The following TAS2R1 variants were observed in gnomAD, a reference collection of about 807,000 sequenced individuals.
The protein encoded by TAS2R1 is taste receptor type 2 member 1.
For missense variants in TAS2R1, 370 were observed against 353.4 expected (o/e 1.05, Z -0.38); for synonymous variants, 141 against 134.2 (o/e 1.05, Z -0.35).
At chr5:9,670,786 T>C (rs1199898455) in intron 1 of TAS2R1, among the ~76,000 whole-genome samples, 4 of 152,144 alleles carry the variant, frequency 2.6e-5, no homozygotes, top group Admixed American at 1.3e-4. Flanking sequence ...CCCTAACTCA[T>C]TGTATGAAGC....
intron 2 of TAS2R1, chr5:9,641,641 C>T (rs1352745813): frequency 4.6e-5 from 7 of 152,250 alleles, no homozygotes; most frequent in Non-Finnish European, 7.3e-5. Flanking sequence ...GACATGTTCT[C>T]CAGCCTTCCT....
intron 1 of TAS2R1, among the ~76,000 whole-genome samples, chr5:9,671,112 C>A (rs545842799): frequency 1.3e-5 from 2 of 152,266 alleles, no homozygotes; most frequent in African/African-American, 4.8e-5. Flanking sequence ...TAAAATCTCT[C>A]AACAAAGTAG....
the TAS2R1 span, among the ~76,000 whole-genome samples, chr5:9,856,374 T>C: frequency 2.6e-5 from 4 of 152,086 alleles, no homozygotes; most frequent in African/African-American, 9.7e-5. Flanking sequence ...GCTCTCCTTA[T>C]ATTAAGCAAG....
the TAS2R1 span, among the ~76,000 whole-genome samples, chr5:9,757,047 G>A: frequency 9.8e-5 from 15 of 152,290 alleles, no homozygotes; most frequent in East Asian, 2.7e-3. Flanking sequence ...TCCCCAGACA[G>A]ATTTCAGAGA....
At chr5:9,730,406 G>A in the TAS2R1 span, among the ~76,000 whole-genome samples, 4 of 152,148 alleles carry the variant, frequency 2.6e-5, no homozygotes, top group Admixed American at 6.5e-5. Context: ...CAACCTTTTG[G>A]AAATAGATAG....
chr5:9,847,136 C>T, the TAS2R1 span, among the ~76,000 whole-genome samples: 1 of 152,214 alleles, frequency 6.6e-6, no homozygotes, highest in Admixed American at 6.5e-5. Flanking sequence ...CAAAACCTTA[C>T]ACGCTGAAAT....
chr5:9,861,037 G>GGTTTTTTTTTTTTTTTTTTTT, the TAS2R1 span, among the ~76,000 whole-genome samples: 15 of 88,614 alleles, frequency 1.7e-4, no homozygotes, highest in African/African-American at 5.5e-4. Flanking sequence ...GGAAGATGAG[G>GGTTTTTTTTTTTTTTTTTTTT]TTTTTTTTTT....
the TAS2R1 span, among the ~76,000 whole-genome samples, chr5:9,741,767 C>A: frequency 6.6e-6 from 1 of 152,058 alleles, no homozygotes; most frequent in Non-Finnish European, 1.5e-5. Flanking sequence ...TCAACTAACC[C>A]CTAAAAGCTC....
At chr5:9,668,236 G>A (rs758367647) in intron 1 of TAS2R1, among the ~76,000 whole-genome samples, 3 of 152,102 alleles carry the variant, frequency 2.0e-5, no homozygotes, top group Non-Finnish European at 2.9e-5. Flanking sequence ...AAGGAAGAAT[G>A]ACAAAAACTT....
the TAS2R1 span, among the ~76,000 whole-genome samples, chr5:9,783,410 CCCAT>C: frequency 2.0e-5 from 3 of 152,128 alleles, no homozygotes; most frequent in East Asian, 5.8e-4. Context: ...TGGAGAAGGC[CCCAT>C]CCAGAGACTC....
the TAS2R1 span, among the ~76,000 whole-genome samples, chr5:9,740,175 C>T: frequency 6.6e-6 from 1 of 152,126 alleles, no homozygotes; most frequent in Non-Finnish European, 1.5e-5. Context: ...CTTTTATATG[C>T]TAATTGAAAT....
chr5:9,845,102 G>A, the TAS2R1 span, among the ~76,000 whole-genome samples: 1 of 152,146 alleles, frequency 6.6e-6, no homozygotes, highest in Admixed American at 6.5e-5. Context: ...GGTATTTGGA[G>A]GTGGAATCTT....
At chr5:9,653,304 C>T (rs1172058724) in intron 2 of TAS2R1, among the ~76,000 whole-genome samples, 11 of 152,164 alleles carry the variant, frequency 7.2e-5, no homozygotes, top group African/African-American at 2.4e-4. Context: ...GTCAGAATTC[C>T]CTTCCTTTTT....
At chr5:9,830,167 A>C in the TAS2R1 span, among the ~76,000 whole-genome samples, 43,291 of 144,120 alleles carry the variant, frequency 0.3, 6,940 homozygotes, top group Non-Finnish European at 0.38. Flanking sequence ...AACAGGAGCA[A>C]GAGAACAGAT....
At chr5:9,701,069 G>A (rs955259165) in intron 1 of TAS2R1, among the ~76,000 whole-genome samples, 7 of 152,174 alleles carry the variant, frequency 4.6e-5, no homozygotes, top group Non-Finnish European at 1.0e-4. Flanking sequence ...CAACACTCCT[G>A]ACACAGGTGA....
chr5:9,841,811 A>G, the TAS2R1 span, among the ~76,000 whole-genome samples: 1 of 152,240 alleles, frequency 6.6e-6, no homozygotes, highest in African/African-American at 2.4e-5. Context: ...AGTGTTTGCT[A>G]TAAAAGCATG....
At chr5:9,720,554 C>T in the TAS2R1 span, among the ~76,000 whole-genome samples, 2 of 152,334 alleles carry the variant, frequency 1.3e-5, no homozygotes, top group Non-Finnish European at 1.5e-5. Flanking sequence ...GAAGTCTGCT[C>T]CATCTCAGGC....
chr5:9,634,393 ATTG>A (rs955436849), upstream of TAS2R1, among the ~76,000 whole-genome samples: 3 of 150,520 alleles, frequency 2.0e-5, no homozygotes, highest in Non-Finnish European at 4.5e-5. Context: ...CAGGTTTTTT[ATTG>A]TTGTTGTTGT....
chr5:9,831,933 G>A, the TAS2R1 span, among the ~76,000 whole-genome samples: 1 of 152,210 alleles, frequency 6.6e-6, no homozygotes, highest in African/African-American at 2.4e-5. Context: ...AGATATTTCA[G>A]TTTAACTCTG....
Sources: allele counts gnomAD v4.1 joint callset (sites outside exome capture counted in the v4.1 genomes callset), GRCh38; gene constraint gnomAD v4.1.1; transcripts MANE v1.5; gene names NCBI Gene and HGNC (gene_info 2026-07-23, HGNC 2026-07-21).